Variants in PRKG1 observed in about 807,000 individuals in gnomAD.
PRKG1 encodes cGMP-dependent protein kinase 1.
In PRKG1, 35 loss-of-function variants were observed where a neutral mutation model predicts 88.1. That is an observed-to-expected ratio of 0.40 (90% CI 0.30 to 0.53). The LOEUF (loss-of-function observed/expected upper bound fraction) is 0.53. PRKG1 is among the 20% of genes least tolerant of loss of function. The pLI, the probability that PRKG1 is intolerant of heterozygous loss-of-function variation, is 0.59. For missense variants in PRKG1, 540 were observed against 839.8 expected, an observed-to-expected ratio of 0.64 and a Z score of 4.41; for synonymous variants, 303 against 292.5, an observed-to-expected ratio of 1.04 and a Z score of -0.37.
chr10:51,059,126 T>C (rs944257841), intron 1 of PRKG1, among the ~76,000 whole-genome samples: 1 of 152,230 alleles, frequency 6.6e-6, no homozygotes, highest in African/African-American at 2.4e-5. Context: ...ATAGTTTATA[T>C]GTAGGTCTAT....
chr10:51,785,286 T>G (rs10465972), intron 3 of PRKG1, among the ~76,000 whole-genome samples: 1 of 151,896 alleles, frequency 6.6e-6, no homozygotes, highest in African/African-American at 2.4e-5. Flanking sequence ...CAGGTTTCCA[T>G]GTTTGTCTTT....
intron 7 of PRKG1, among the ~76,000 whole-genome samples, chr10:52,085,936 C>T (rs1289600463): frequency 6.6e-6 from 1 of 152,032 alleles, no homozygotes. Context: ...AAAAGTTAAG[C>T]TTCATTTGCA....
rs149804925 is a variant in PRKG1, at chr10:51,807,186, G to A, written c.698+2496G>A. ...TTGTAGATAGGCACTTTATAGAACA[G>A]TGAGTACAGAGCCAGTACATAATTT... On this transcript the variant is annotated intron_variant, in intron 4 of 17. Coordinates refer to ENST00000373980, the MANE Select transcript of PRKG1 (RefSeq NM_006258.4). Among the ~76,000 whole-genome samples the A allele has an allele frequency of 8.5e-5, 13 of 152,308 alleles. No individual in the cohort carries two copies. In the East Asian group the frequency reaches 2.1e-3, roughly 25 times the overall value.
At chr10:51,279,940 C>T (rs556396442) in intron 2 of PRKG1, among the ~76,000 whole-genome samples, 16 of 152,214 alleles carry the variant, frequency 1.1e-4, no homozygotes, top group East Asian at 5.8e-4. Context: ...TTATTTTGCT[C>T]GTTAGTTGAT....
chr10:51,583,197 G>A (rs1838086967), intron 3 of PRKG1, among the ~76,000 whole-genome samples: 2 of 152,094 alleles, frequency 1.3e-5, no homozygotes, highest in African/African-American at 4.8e-5. Context: ...TCAAAACTGA[G>A]TGCAAAGAGA....
At chr10:51,467,124 A>G (rs1016994876) in intron 2 of PRKG1, among the ~76,000 whole-genome samples, 1 of 151,970 alleles carries the variant, frequency 6.6e-6, no homozygotes, top group Non-Finnish European at 1.5e-5. Context: ...CAAGTCCTTT[A>G]TCAAACATAA....
chr10:51,244,644 T>C (rs143989672), intron 2 of PRKG1, among the ~76,000 whole-genome samples: 24 of 152,258 alleles, frequency 1.6e-4, no homozygotes, highest in South Asian at 4.1e-4. Context: ...TTTAAACTTA[T>C]GTATTTTCAA....
chr10:51,856,373 T>C (rs1306222279), intron 4 of PRKG1, among the ~76,000 whole-genome samples: 1 of 152,184 alleles, frequency 6.6e-6, no homozygotes, highest in Non-Finnish European at 1.5e-5. Context: ...AAGATGTAAG[T>C]ATCCTTGAAG....
chr10:51,202,441 C>G (rs1340152328), intron 2 of PRKG1, among the ~76,000 whole-genome samples: 1 of 152,134 alleles, frequency 6.6e-6, no homozygotes, highest in Non-Finnish European at 1.5e-5. Context: ...TTCTCACTCC[C>G]CAGAAGATTT....
Position 51,625,880 on chromosome 10 carries a change from A to G in PRKG1, c.592+158044A>G. Among the ~76,000 whole-genome samples the G allele has an allele frequency of 1.3e-5, 2 of 152,188 alleles. 1 individual carries two copies. Among genetic ancestry groups the G allele is most frequent in the Non-Finnish European group, 2.9e-5 (2 of 68,036 alleles). ...TTATAGCTTTTCTCCCAGACCAACA[A>G]TAGTTTAAGTTACACTTCTCCCCAT... is the stretch of plus-strand genomic sequence containing the variant. On this transcript the variant is annotated intron_variant, in intron 3 of 17. Transcript: ENST00000373980.
intron 1 of PRKG1, among the ~76,000 whole-genome samples, chr10:51,096,231 C>T (rs73340469): frequency 0.033 from 5,052 of 151,984 alleles, 98 homozygotes; most frequent in Middle Eastern, 0.058. Flanking sequence ...GAAACCGATC[C>T]AGGACTCTGT....
Position 51,548,663 on chromosome 10 carries a change from T to A in PRKG1, c.592+80827T>A, listed in dbSNP as rs1434444409. 3.3e-5 allele frequency among the ~76,000 whole-genome samples: 5 copies of A among 152,170 alleles called. No individual in the cohort carries two copies. In the East Asian group the frequency reaches 9.7e-4, roughly 29 times the overall value. ...TTGTGTTACTATTTCATAAACTACT[T>A]CAAAAGCATTTTTGTGTTCTCTTTT... On this transcript the variant is annotated intron_variant, in intron 3 of 17. Transcript: ENST00000373980.
At chr10:52,079,569 T>G (rs1846716661) in intron 7 of PRKG1, among the ~76,000 whole-genome samples, 1 of 152,182 alleles carries the variant, frequency 6.6e-6, no homozygotes, top group Non-Finnish European at 1.5e-5. Flanking sequence ...CTAGTAAAAG[T>G]TGAGCACAGC....
At chr10:51,753,009 T>C (rs1238934745) in intron 3 of PRKG1, among the ~76,000 whole-genome samples, 1 of 152,126 alleles carries the variant, frequency 6.6e-6, no homozygotes, top group African/African-American at 2.4e-5. Context: ...ATAAACTAGC[T>C]AAATTAGGGC....
At chr10:51,132,958 C>G (rs540798152) in intron 1 of PRKG1, among the ~76,000 whole-genome samples, 1 of 151,922 alleles carries the variant, frequency 6.6e-6, no homozygotes. Context: ...TGCATATGGT[C>G]GAGTACTGGC....
chr10:51,421,847 G>A (rs1270455961), intron 2 of PRKG1, among the ~76,000 whole-genome samples: 1 of 152,190 alleles, frequency 6.6e-6, no homozygotes, highest in Non-Finnish European at 1.5e-5. Flanking sequence ...GTAGGAGTCA[G>A]GAGCTAGCCT....
At chr10:51,248,343 T>A (rs116313808) in intron 2 of PRKG1, among the ~76,000 whole-genome samples, 1,743 of 151,974 alleles carry the variant, frequency 0.011, 32 homozygotes, top group African/African-American at 0.039. Context: ...CAAGTGCATA[T>A]CAAAATATTG....
intron 4 of PRKG1, among the ~76,000 whole-genome samples, chr10:51,823,046 G>GT (rs886840414): frequency 3.9e-5 from 6 of 152,018 alleles, no homozygotes; most frequent in African/African-American, 1.5e-4. Flanking sequence ...TTACAGTGGA[G>GT]TTTTTTAGAG....
intron 2 of PRKG1, among the ~76,000 whole-genome samples, chr10:51,170,005 C>CT (rs1846659739): frequency 6.6e-6 from 1 of 151,888 alleles, no homozygotes; most frequent in Non-Finnish European, 1.5e-5. Flanking sequence ...CACTATTGCT[C>CT]TTCAGAGTTG....
Sources: allele counts gnomAD v4.1 joint callset (sites outside exome capture counted in the v4.1 genomes callset), GRCh38; gene constraint gnomAD v4.1.1; transcripts MANE v1.5; gene names NCBI Gene and HGNC (gene_info 2026-07-23, HGNC 2026-07-21).